Variants in NTRK3 observed in about 807,000 individuals in gnomAD.
NTRK3 encodes the protein NT-3 growth factor receptor.
In NTRK3, 24 loss-of-function variants were observed where a neutral mutation model predicts 91.7. That is an observed-to-expected ratio of 0.26 (90% CI 0.19 to 0.37). NTRK3 has a LOEUF of 0.37. Among genes scored for constraint, NTRK3 ranks in the 10% least tolerant of loss-of-function variants. NTRK3 has a pLI of 1.00. For synonymous variants in NTRK3, 483 were observed against 404.0 expected (o/e 1.20, Z -2.34); for missense variants, 880 against 1,068.9 (o/e 0.82, Z 2.46).
chr15:88,130,688 G>T (rs1029188614), intron 10 of NTRK3, among the ~76,000 whole-genome samples: 3 of 152,134 alleles, frequency 2.0e-5, no homozygotes, highest in African/African-American at 7.2e-5. Flanking sequence ...TGGAAAGACA[G>T]TCTACAAAAA....
At chr15:87,882,752 A>G (rs11638895) in intron 17 of NTRK3, among the ~76,000 whole-genome samples, 4,575 of 152,220 alleles carry the variant, frequency 0.03, 110 homozygotes, top group Non-Finnish European at 0.05. Flanking sequence ...TAAAATTTTA[A>G]AGTAGCTTCT....
intron 3 of NTRK3, among the ~76,000 whole-genome samples, chr15:88,186,064 A>G (rs971157689): frequency 7.9e-5 from 12 of 152,252 alleles, no homozygotes; most frequent in Admixed American, 5.9e-4. Flanking sequence ...AACATTTCAG[A>G]TGAAAAGAAA....
At chr15:87,876,630 T>C in exon 19 of NTRK3, 1 of 215,798 alleles carries the variant, frequency 4.6e-6, no homozygotes, top group East Asian at 6.9e-5. Context: ...TGTTAAAGTC[T>C]TGTGGTTTTC....
chr15:87,932,320 T>C (rs1190910632), intron 16 of NTRK3, among the ~76,000 whole-genome samples: 2 of 152,230 alleles, frequency 1.3e-5, no homozygotes, highest in African/African-American at 4.8e-5. Flanking sequence ...TGTGCTTCCC[T>C]GTATGGTAAA....
intron 13 of NTRK3, among the ~76,000 whole-genome samples, chr15:88,044,926 G>C (rs1272698824): frequency 6.6e-6 from 1 of 152,184 alleles, no homozygotes; most frequent in South Asian, 2.1e-4. Flanking sequence ...TCTGCTGGGG[G>C]CTGTGCATGC....
At chr15:87,897,092 C>G (rs1448597344) in intron 17 of NTRK3, among the ~76,000 whole-genome samples, 1 of 152,064 alleles carries the variant, frequency 6.6e-6, no homozygotes. Context: ...GCCTCTAGCC[C>G]CAGGATTAGG....
At chr15:88,023,175 T>C (rs1367342153) in intron 14 of NTRK3, among the ~76,000 whole-genome samples, 1 of 152,180 alleles carries the variant, frequency 6.6e-6, no homozygotes, top group Non-Finnish European at 1.5e-5. Flanking sequence ...GCTGAGACTC[T>C]GTGGACAAGC....
At chr15:88,008,827 T>A (rs999290732) in intron 14 of NTRK3, among the ~76,000 whole-genome samples, 2 of 152,210 alleles carry the variant, frequency 1.3e-5, no homozygotes, top group African/African-American at 4.8e-5. Context: ...ATGGAATATA[T>A]AAGATCCACC....
chr15:88,034,371 A>T (rs933211662), intron 13 of NTRK3, among the ~76,000 whole-genome samples: 2 of 152,194 alleles, frequency 1.3e-5, no homozygotes, highest in African/African-American at 4.8e-5. Flanking sequence ...GTAAGGACAT[A>T]CAGTTACTCA....
intron 13 of NTRK3, among the ~76,000 whole-genome samples, chr15:88,100,341 C>T (rs2050042672): frequency 6.6e-6 from 1 of 152,198 alleles, no homozygotes; most frequent in South Asian, 2.1e-4. Context: ...CCCTGTTCTC[C>T]ACAGGGCTCC....
At chr15:87,874,363 GC>G (rs2064896423) in exon 19 of NTRK3, 1 of 230,256 alleles carries the variant, frequency 4.3e-6, no homozygotes, top group South Asian at 1.8e-4. Context: ...CAGCGTGAAA[GC>G]CCGTGGGCCT....
Position 88,184,199 on chromosome 15 carries a change from G to A in NTRK3, c.323+26C>T, listed in dbSNP as rs537806085. The A allele has an allele frequency of 5.0e-6, 8 of 1,610,818 alleles. No homozygotes were observed. In the African/African-American group the frequency reaches 1.1e-4, roughly 21 times the overall value. On this transcript the variant is annotated intron_variant, in intron 4 of 18. Transcript: ENST00000394480. ...GCATCCACCCCTTCCACAGGGAAAGGCCTCTCTGTGGCCGGGTGTACTCAC... is the reference window on the plus strand; with the variant it reads ...GCATCCACCCCTTCCACAGGGAAAGACCTCTCTGTGGCCGGGTGTACTCAC...
exon 19 of NTRK3, chr15:87,876,785 T>C: frequency 1.2e-6 from 1 of 813,628 alleles, no homozygotes. Context: ...TTTTTTTTCC[T>C]TTTTTCAGTG....
chr15:88,018,751 G>C (rs917318022), intron 14 of NTRK3, among the ~76,000 whole-genome samples: 1 of 151,948 alleles, frequency 6.6e-6, no homozygotes, highest in Non-Finnish European at 1.5e-5. Context: ...ATTTTTATGA[G>C]GATTAAACAA....
At chr15:87,908,118 A>T (rs2066878240) in intron 17 of NTRK3, among the ~76,000 whole-genome samples, 1 of 152,206 alleles carries the variant, frequency 6.6e-6, no homozygotes, top group African/African-American at 2.4e-5. Flanking sequence ...ACCTCCTGAA[A>T]TGCAAGAAAG....
intron 3 of NTRK3, among the ~76,000 whole-genome samples, chr15:88,191,872 GC>G (rs1240879509): frequency 6.6e-6 from 1 of 152,248 alleles, no homozygotes. Context: ...TCCCTTGACA[GC>G]TGTTGTGGGG....
intron 13 of NTRK3, 121 bp from the exon 14 acceptor site, chr15:88,033,166 G>T (rs1429614801): frequency 7.3e-6 from 3 of 408,782 alleles, no homozygotes; most frequent in African/African-American, 4.4e-5. Context: ...TTTTACTTTT[G>T]GGGGGTGTGT....
chr15:87,987,974 C>T (rs933112020), intron 14 of NTRK3, among the ~76,000 whole-genome samples: 2 of 152,112 alleles, frequency 1.3e-5, no homozygotes, highest in Non-Finnish European at 2.9e-5. Context: ...GCAGAGACTC[C>T]TCACTCAAGG....
At chr15:88,012,494 G>T (rs1196119681) in intron 14 of NTRK3, among the ~76,000 whole-genome samples, 1 of 152,148 alleles carries the variant, frequency 6.6e-6, no homozygotes, top group Non-Finnish European at 1.5e-5. Context: ...GAAATCACAG[G>T]CAGGGTGAGA....
Sources: gnomAD v4.1 joint callset for allele counts (sites outside exome capture counted in the v4.1 genomes callset) on GRCh38, gnomAD v4.1.1 for gene constraint, MANE v1.5 for transcripts, NCBI Gene and HGNC (gene_info 2026-07-23, HGNC 2026-07-21) for gene names.